Variants in PTPRT observed in about 807,000 individuals in gnomAD.
The protein encoded by PTPRT is receptor-type tyrosine-protein phosphatase T.
A neutral mutation model predicts 176.8 loss-of-function variants in PTPRT; 56 were observed. That is an observed-to-expected ratio of 0.32 (90% CI 0.26 to 0.40). The LOEUF is 0.40. Among genes scored for constraint, PTPRT ranks in the 10% least tolerant of loss-of-function variants. The probability of loss-of-function intolerance (pLI) is 1.00; values close to 1 mark genes in which losing one functional copy is unlikely to be tolerated. For synonymous variants in PTPRT, 783 were observed against 739.0 expected (o/e 1.06, Z -0.96); for missense variants, 1,540 against 1,908.2 (o/e 0.81, Z 3.60).
At chr20:42,605,424 C>T (rs566993464) in intron 7 of PTPRT, among the ~76,000 whole-genome samples, 3 of 152,190 alleles carry the variant, frequency 2.0e-5, no homozygotes, top group African/African-American at 7.2e-5. Flanking sequence ...AGGCCCTTGT[C>T]ACTCCCTGCT....
intron 1 of PTPRT, among the ~76,000 whole-genome samples, chr20:43,185,071 T>C (rs1227617629): frequency 6.6e-6 from 1 of 152,190 alleles, no homozygotes; most frequent in Non-Finnish European, 1.5e-5. Context: ...TGTGGCTTTC[T>C]TCCTCTCCAT....
intron 1 of PTPRT, among the ~76,000 whole-genome samples, chr20:43,118,876 C>A (rs896485602): frequency 3.3e-5 from 5 of 152,156 alleles, no homozygotes; most frequent in Non-Finnish European, 7.4e-5. Context: ...TTTCAAGAAT[C>A]ATAATAGATG....
chr20:42,989,535 C>T (rs1983775564), intron 1 of PTPRT, among the ~76,000 whole-genome samples: 1 of 152,152 alleles, frequency 6.6e-6, no homozygotes, highest in South Asian at 2.1e-4. Flanking sequence ...CCAGGTAGAA[C>T]CAGGGGAACA....
chr20:42,481,737 C>T lies in PTPRT; in HGVS notation c.1154-9175G>A, dbSNP rs80231277. On this transcript the variant is annotated intron_variant, in intron 7 of 30. Coordinates refer to ENST00000373187, the MANE Select transcript of PTPRT (RefSeq NM_007050.6). The stretch of plus-strand genomic sequence containing the variant: ...CTCAGCCTGGGAGACAGAGCAAGAG[C>T]AAGACCGTGTCTCTAAAAGAAAAAA... Among the ~76,000 whole-genome samples, 783 of 150,872 alleles carry T rather than the reference C, an allele frequency of 5.2e-3. 12 individuals are homozygous for T. The highest frequency in any genetic ancestry group is 0.018 in the African/African-American group (753 of 41,068).
In PTPRT at chr20:42,075,654, C is replaced by T. The variant is rs1419820416; in HGVS notation, c.*5225G>A. Reference sequence around the variant, plus strand: ...CCTGCAGAGGTAACAGGATAAGGGCCTGGCTGCTACTCCCTGGGCCTCACT... The same window carrying T: ...CCTGCAGAGGTAACAGGATAAGGGCTTGGCTGCTACTCCCTGGGCCTCACT... On this transcript the variant is annotated 3_prime_UTR_variant, in exon 31 of 31. Coordinates refer to ENST00000373187, the MANE Select transcript of PTPRT (RefSeq NM_007050.6). 4.7e-6 allele frequency: 1 copy of T among 211,476 alleles called. No homozygotes were observed. Among genetic ancestry groups the T allele is most frequent in the African/African-American group, 2.3e-5 (1 of 44,140 alleles). The allele number at this position is 211,476 out of a possible 1,614,324, so 13.1% of individuals were successfully genotyped here.
At chr20:42,296,466 A>C (rs2145288682) in intron 12 of PTPRT, among the ~76,000 whole-genome samples, 1 of 150,932 alleles carries the variant, frequency 6.6e-6, no homozygotes, top group Admixed American at 6.6e-5. Flanking sequence ...AAAAAGTGTT[A>C]AATAATATAA....
At chr20:42,918,676 A>C (rs1242302958) in intron 1 of PTPRT, among the ~76,000 whole-genome samples, 1 of 152,120 alleles carries the variant, frequency 6.6e-6, no homozygotes, top group Non-Finnish European at 1.5e-5. Flanking sequence ...TTTTTTTGAC[A>C]CTGTCTCTAG....
chr20:42,340,585 G>A (rs1041258203), intron 11 of PTPRT, among the ~76,000 whole-genome samples: 2 of 152,212 alleles, frequency 1.3e-5, no homozygotes, highest in Non-Finnish European at 2.9e-5. Flanking sequence ...AGCAGGCATC[G>A]TGCAGAATGC....
intron 12 of PTPRT, among the ~76,000 whole-genome samples, chr20:42,286,489 A>T (rs1330580068): frequency 6.6e-6 from 1 of 151,950 alleles, no homozygotes; most frequent in Non-Finnish European, 1.5e-5. Flanking sequence ...GGGAAAGGAC[A>T]GTGTCTTCAA....
chr20:42,273,125 G>A (rs2056967857), intron 13 of PTPRT, among the ~76,000 whole-genome samples: 1 of 152,138 alleles, frequency 6.6e-6, no homozygotes, highest in Non-Finnish European at 1.5e-5. Context: ...TATTTGCTGA[G>A]TGTTTCTTAC....
intron 1 of PTPRT, among the ~76,000 whole-genome samples, chr20:43,147,380 A>G (rs567843639): frequency 2.6e-5 from 4 of 152,304 alleles, no homozygotes; most frequent in African/African-American, 7.2e-5. Context: ...TAGAAACTCA[A>G]TAAACGCCAA....
At chr20:42,200,287 T>C (rs1991396883) in intron 15 of PTPRT, among the ~76,000 whole-genome samples, 1 of 152,210 alleles carries the variant, frequency 6.6e-6, no homozygotes, top group Non-Finnish European at 1.5e-5. Flanking sequence ...GAACTATTCT[T>C]CTGTATACTG....
rs1433899430 is a variant in PTPRT, at chr20:42,972,381, G to T, written c.89-86449C>A. Among the ~76,000 whole-genome samples the T allele has an allele frequency of 2.0e-5, 3 of 151,646 alleles. No homozygotes were observed. In the East Asian group the frequency reaches 6.0e-4, roughly 30 times the overall value. ...TACAAGTCAGAATAAAGAATTTGAA[G>T]CTGGGTGTGGTGGCTCATGCCTGTA... is the stretch of plus-strand genomic sequence containing the variant. On this transcript the variant is annotated intron_variant, in intron 1 of 30. Transcript: ENST00000373187.
the PTPRT span, among the ~76,000 whole-genome samples, chr20:42,065,638 A>G: frequency 6.6e-6 from 1 of 152,216 alleles, no homozygotes. Flanking sequence ...AGAAAATGCT[A>G]GAGAGTCTCT....
At chr20:42,942,252 T>A (rs561789337) in intron 1 of PTPRT, among the ~76,000 whole-genome samples, 70 of 152,306 alleles carry the variant, frequency 4.6e-4, no homozygotes, top group African/African-American at 1.6e-3. Flanking sequence ...ACTGGCTGGC[T>A]GGGTCAAGAG....
chr20:42,362,313 A>T (rs1287617483), intron 9 of PTPRT, among the ~76,000 whole-genome samples: 1 of 152,122 alleles, frequency 6.6e-6, no homozygotes, highest in Non-Finnish European at 1.5e-5. Flanking sequence ...TATGTACATC[A>T]TATGCCTCTT....
At chr20:42,326,024 T>C (rs561436640) in intron 11 of PTPRT, among the ~76,000 whole-genome samples, 2 of 152,322 alleles carry the variant, frequency 1.3e-5, no homozygotes, top group East Asian at 3.9e-4. Context: ...CTGACCACTT[T>C]ATTTAAAATA....
At chr20:42,088,426 A>C in intron 27 of PTPRT, among the ~76,000 whole-genome samples, 1 of 152,200 alleles carries the variant, frequency 6.6e-6, no homozygotes, top group South Asian at 2.1e-4. Context: ...CTGAGAAGTC[A>C]CATGTGAAAA....
At chr20:42,435,407 C>T (rs1471452958) in intron 9 of PTPRT, among the ~76,000 whole-genome samples, 2 of 152,116 alleles carry the variant, frequency 1.3e-5, no homozygotes, top group African/African-American at 2.4e-5. Flanking sequence ...ACATCAATAC[C>T]TGTAGTAGGA....
Sources: allele counts gnomAD v4.1 joint callset (sites outside exome capture counted in the v4.1 genomes callset), GRCh38; gene constraint gnomAD v4.1.1; transcripts MANE v1.5; gene names NCBI Gene and HGNC (gene_info 2026-07-23, HGNC 2026-07-21).